ABCA8: variants seen among roughly 807,000 people sequenced by gnomAD.
ABCA8 encodes ABC-type organic anion transporter ABCA8.
ABCA8 carries 177 observed loss-of-function variants against 192.3 expected under a neutral mutation model. The ratio of observed to expected loss-of-function variants is 0.92; its 90% CI spans 0.81 to 1.04. The LOEUF (loss-of-function observed/expected upper bound fraction) is 1.04, where lower values mean the gene tolerates loss of function less well. Ranked by LOEUF, ABCA8 falls within the 50% of genes least tolerant of loss-of-function variation. ABCA8 has a pLI of 0.00. For synonymous variants in ABCA8, 642 were observed against 690.2 expected, an observed-to-expected ratio of 0.93 and a Z score of 1.09; for missense variants, 1,915 against 1,904.8, an observed-to-expected ratio of 1.01 and a Z score of -0.10.
Position 68,877,516 on chromosome 17 carries a change from T to C in ABCA8, c.4199+3A>G. 1 of 1,612,248 alleles carries C rather than the reference T, an allele frequency of 6.2e-7. No homozygotes were observed. The highest frequency in any genetic ancestry group is 8.5e-7 in the Non-Finnish European group (1 of 1,178,922). ...ATAGAACAGATGTGGCTCCTCTGTG[T>C]ACCGTGTGATGGCAACCTCAGCATC... is the stretch of plus-strand genomic sequence containing the variant. On this transcript the variant is annotated splice_donor_region_variant and intron_variant, in intron 33 of 39. Coordinates refer to ENST00000586539, the MANE Select transcript of ABCA8 (RefSeq NM_001288985.2).
chr17:68,929,001 A>T, intron 9 of ABCA8, 48 bp downstream of exon 9: 1 of 1,350,768 alleles, frequency 7.4e-7, no homozygotes, highest in Non-Finnish European at 9.7e-7. Context: ...TTCCAGAGGG[A>T]CAGATGTTTC....
intron 33 of ABCA8, chr17:68,877,111 T>C (rs1440529048): frequency 5.9e-6 from 1 of 169,336 alleles, no homozygotes; most frequent in Non-Finnish European, 1.3e-5. Flanking sequence ...CAAGCCATCC[T>C]CCCACCTCAG....
intron 17 of ABCA8, among the ~76,000 whole-genome samples, chr17:68,913,739 T>TA (rs1567855260): frequency 6.6e-6 from 1 of 151,986 alleles, no homozygotes; most frequent in Non-Finnish European, 1.5e-5. Flanking sequence ...AAAGCCATAA[T>TA]AAAAAGTCTT....
At chr17:68,891,289 T>A (rs9892535) in intron 24 of ABCA8, among the ~76,000 whole-genome samples, 200 bp downstream of exon 24, 7 of 152,310 alleles carry the variant, frequency 4.6e-5, no homozygotes, top group African/African-American at 1.7e-4. Flanking sequence ...AATATCCAGA[T>A]AAAGTTCAGA....
intron 27 of ABCA8, 74 bp from the exon 28 acceptor site, chr17:68,884,470 G>A: frequency 1.4e-6 from 2 of 1,456,328 alleles, no homozygotes; most frequent in African/African-American, 1.4e-5. Context: ...ACGTGAATTG[G>A]CCCTAAACAG....
chr17:68,922,225 T>TAAATTTAAAGGA lies in ABCA8; in HGVS notation c.1501+16_1501+17insTCCTTTAAATTT. On this transcript the variant is annotated intron_variant, in intron 12 of 39. Coordinates refer to ENST00000586539, the MANE Select transcript of ABCA8 (RefSeq NM_001288985.2). ...TTTTTTTTTTTTTTTTTTTTTTTTT[T>TAAATTTAAAGGA]TTTTTTTTTTTTTTACCTTTCAAGG... is the stretch of plus-strand genomic sequence containing the variant. 4.2e-6 allele frequency: 2 copies of TAAATTTAAAGGA among 477,312 alleles called. No individual in the cohort carries two copies. The highest frequency in any genetic ancestry group is 6.0e-6 in the Non-Finnish European group (2 of 332,696). 29.6% of individuals were successfully genotyped at this position (477,312 alleles called of 1,614,324 possible). A position where few individuals can be genotyped will look rare whatever the true frequency, so the allele number is the denominator to read the frequency against.
chr17:68,920,619 T>C (rs2067507465), intron 13 of ABCA8, among the ~76,000 whole-genome samples: 1 of 152,240 alleles, frequency 6.6e-6, no homozygotes, highest in South Asian at 2.1e-4. Context: ...GTATGTGTGT[T>C]TGTGATTAAC....
intron 24 of ABCA8, among the ~76,000 whole-genome samples, chr17:68,887,911 T>TATATCC (rs1426592570): frequency 4.0e-4 from 8 of 19,948 alleles, no homozygotes; most frequent in African/African-American, 6.4e-4. Context: ...TATATATCCA[T>TATATCC]ATATATATAT....
chr17:68,914,384 A>G (rs547971095), intron 17 of ABCA8, among the ~76,000 whole-genome samples: 1 of 152,162 alleles, frequency 6.6e-6, no homozygotes, highest in Non-Finnish European at 1.5e-5. Context: ...ATGATCTTAT[A>G]TTTGAAAAAT....
chr17:68,913,418 T>A, intron 17 of ABCA8, among the ~76,000 whole-genome samples: 1 of 149,728 alleles, frequency 6.7e-6, no homozygotes, highest in African/African-American at 2.5e-5. Context: ...TAAATAAAAT[T>A]GAAATGAAAT....
At chr17:68,922,190 CTCTCTTTT>C in intron 12 of ABCA8, 44 bp downstream of exon 12, 1 of 639,488 alleles carries the variant, frequency 1.6e-6, no homozygotes, top group Non-Finnish European at 2.0e-6. Context: ...TTCTTTCTCT[CTCTCTTTT>C]TTTTTTTTTT....
In ABCA8 at chr17:68,881,939, T is replaced by C. The variant is rs1379031966; in HGVS notation, c.3870A>G (p.Ala1290=). The change falls in exon 31 of 40, where the codon GCA becomes GCG. Residue 1290 remains alanine (A), a synonymous_variant. Transcript: ENST00000586539. ...TGGAAAAACAGCCTTTCCTCTTCCC[T>C]GCATACTCCTTGCGTAGACAGCTGG... ...IIASCLRKEY[A]GKRKGCFSKR... is the part of the protein sequence containing the mutation. 1.2e-6 allele frequency: 2 copies of C among 1,614,150 alleles called. No individual in the cohort carries two copies. The highest frequency in any genetic ancestry group is 2.2e-5 in the East Asian group (1 of 44,882).
chr17:68,927,814 C>T, intron 10 of ABCA8, 102 bp downstream of exon 10: 2 of 955,160 alleles, frequency 2.1e-6, no homozygotes, highest in Non-Finnish European at 3.0e-6. Context: ...TGTTGATACA[C>T]AAAATAGTTC....
intron 12 of ABCA8, 126 bp downstream of exon 12, chr17:68,922,116 T>C (rs1322927211): frequency 1.6e-6 from 1 of 633,046 alleles, no homozygotes; most frequent in Non-Finnish European, 2.3e-6. Context: ...ATACCACCAC[T>C]AATTAATCAC....
chr17:68,921,505 A>G lies in ABCA8; in HGVS notation c.1502-13T>C. ...TCAAATACCAGATCTAGGAAGAAAA[A>G]AAGAAAGGAAAGAAAGATAAGATAA... On this transcript the variant is annotated splice_polypyrimidine_tract_variant and intron_variant, in intron 12 of 39. Transcript: ENST00000586539. 6.6e-7 allele frequency: 1 copy of G among 1,511,956 alleles called. No homozygotes were observed. The highest frequency in any genetic ancestry group is 1.2e-5 in the South Asian group (1 of 84,594). The allele number at this position is 1,511,956 out of a possible 1,614,324, so 93.7% of individuals were successfully genotyped here.
At chr17:68,934,673 T>C (rs2068005241) in intron 5 of ABCA8, among the ~76,000 whole-genome samples, 2 of 152,182 alleles carry the variant, frequency 1.3e-5, no homozygotes, top group Admixed American at 1.3e-4. Flanking sequence ...GGTATGAGAG[T>C]TTCACTAATA....
chr17:68,936,889 C>A, intron 5 of ABCA8, 62 bp downstream of exon 5: 20 of 1,407,592 alleles, frequency 1.4e-5, no homozygotes, highest in Non-Finnish European at 1.9e-5. Context: ...CCTCTATTCC[C>A]ACACATGACT....
At chr17:68,952,461 G>A (rs138054592) in intron 1 of ABCA8, among the ~76,000 whole-genome samples, 7 of 152,216 alleles carry the variant, frequency 4.6e-5, no homozygotes, top group East Asian at 3.9e-4. Context: ...CTTGTGATCC[G>A]CCTGTTGTTG....
intron 13 of ABCA8, among the ~76,000 whole-genome samples, chr17:68,920,901 G>A (rs893550163): frequency 1.5e-4 from 23 of 151,988 alleles, no homozygotes; most frequent in Non-Finnish European, 2.4e-4. Flanking sequence ...ACATGCACAC[G>A]TATGTTTATT....
Sources: gnomAD v4.1 joint callset for allele counts (sites outside exome capture counted in the v4.1 genomes callset) on GRCh38, gnomAD v4.1.1 for gene constraint, MANE v1.5 for transcripts, NCBI Gene and HGNC (gene_info 2026-07-23, HGNC 2026-07-21) for gene names.